Variants in KIF16B observed in about 807,000 individuals in gnomAD.
The protein encoded by KIF16B is kinesin-like protein KIF16B.
A neutral mutation model predicts 156.3 loss-of-function variants in KIF16B; 98 were observed. That is an observed-to-expected ratio of 0.63 (90% CI 0.53 to 0.74). The LOEUF is 0.74. Among genes scored for constraint, KIF16B ranks in the 30% least tolerant of loss-of-function variants. The pLI is 0.00. For synonymous variants in KIF16B, 564 were observed against 583.7 expected, an observed-to-expected ratio of 0.97 and a Z score of 0.49; for missense variants, 1,421 against 1,606.5, an observed-to-expected ratio of 0.88 and a Z score of 1.97.
intron 15 of KIF16B, among the ~76,000 whole-genome samples, chr20:16,411,962 G>GTGTGTGTA (rs2065969098): frequency 6.6e-6 from 1 of 150,878 alleles, no homozygotes; most frequent in South Asian, 2.1e-4. Context: ...GTGTGTGTGT[G>GTGTGTGTA]TGTGTGTGTG....
chr20:16,555,487 C>T (rs1263903874), intron 1 of KIF16B, among the ~76,000 whole-genome samples: 1 of 151,358 alleles, frequency 6.6e-6, no homozygotes, highest in Non-Finnish European at 1.5e-5. Flanking sequence ...CCCAAAGAAA[C>T]CTTACTGACT....
chr20:16,516,695 C>T (rs550334600), intron 3 of KIF16B, among the ~76,000 whole-genome samples: 6 of 152,294 alleles, frequency 3.9e-5, no homozygotes, highest in African/African-American at 1.4e-4. Flanking sequence ...GGGACCCAGA[C>T]GGATCAACCA....
rs190942932 is a variant in KIF16B at position 16,394,600 on chromosome 20, A to G, written c.1784+10213T>C. 3.3e-3 allele frequency among the ~76,000 whole-genome samples: 510 copies of G among 152,354 alleles called. 2 individuals carry two copies. The highest frequency in any genetic ancestry group is 6.0e-3 in the Non-Finnish European group (406 of 68,038). ...AACTTTTGAAAAATGGTAAGGCCCA[A>G]TAAAATAAACCAGTAGAGATAAACA... On this transcript the variant is annotated intron_variant, in intron 17 of 25. Transcript: ENST00000354981.
At chr20:16,358,173 A>C (rs1237720324) in intron 22 of KIF16B, among the ~76,000 whole-genome samples, 1 of 152,130 alleles carries the variant, frequency 6.6e-6, no homozygotes, top group Admixed American at 6.5e-5. Flanking sequence ...TGGGCGACAG[A>C]GCGAGACTCC....
chr20:16,404,718 C>T, intron 17 of KIF16B, 95 bp downstream of exon 17: 1 of 944,276 alleles, frequency 1.1e-6, no homozygotes, highest in Non-Finnish European at 1.7e-6. Context: ...GGCGCCGTTG[C>T]AGAAGTTTTA....
chr20:16,367,752 C>A, intron 22 of KIF16B: 2 of 1,612,486 alleles, frequency 1.2e-6, no homozygotes, highest in East Asian at 2.2e-5. Context: ...CCAGATCTTG[C>A]TGGAGCAAGG....
intron 15 of KIF16B, among the ~76,000 whole-genome samples, chr20:16,408,086 C>T (rs2065831784): frequency 6.6e-6 from 1 of 152,146 alleles, no homozygotes; most frequent in South Asian, 2.1e-4. Context: ...GATATCTATT[C>T]TGGAGCTCAG....
At chr20:16,432,252 A>C (rs1353714491) in intron 12 of KIF16B, among the ~76,000 whole-genome samples, 1 of 152,146 alleles carries the variant, frequency 6.6e-6, no homozygotes, top group East Asian at 1.9e-4. Context: ...AACCAGGTTC[A>C]GACTAAATCA....
chr20:16,527,160 G>A (rs1443316071), intron 2 of KIF16B, among the ~76,000 whole-genome samples: 2 of 152,190 alleles, frequency 1.3e-5, no homozygotes, highest in African/African-American at 2.4e-5. Flanking sequence ...GAGAATATGC[G>A]AGAGGCCAAA....
Position 16,573,421 on chromosome 20 carries a change from C to T in KIF16B, c.-146G>A. Reference sequence around the variant, plus strand: ...CCCGGCCGGACCTGGAGTTCCGCGGCAGCCCCACCTGCCAGGCCACTGAGC... The same window carrying T: ...CCCGGCCGGACCTGGAGTTCCGCGGTAGCCCCACCTGCCAGGCCACTGAGC... On this transcript the variant is annotated 5_prime_UTR_variant, in exon 1 of 26. Transcript: ENST00000354981. 2.3e-6 allele frequency: 2 copies of T among 859,760 alleles called. No homozygotes were observed. Among genetic ancestry groups the T allele is most frequent in the Non-Finnish European group, 3.6e-6 (2 of 556,002 alleles). 53.3% of individuals were successfully genotyped at this position (859,760 alleles called of 1,614,324 possible). A position where few individuals can be genotyped will look rare whatever the true frequency, so the allele number is the denominator to read the frequency against.
intron 25 of KIF16B, among the ~76,000 whole-genome samples, chr20:16,274,046 C>A (rs1383437663): frequency 2.6e-5 from 4 of 150,972 alleles, no homozygotes; most frequent in Admixed American, 2.0e-4. Flanking sequence ...CCTCCCCGCT[C>A]CCAGTTACTC....
intron 19 of KIF16B, among the ~76,000 whole-genome samples, chr20:16,377,916 C>T (rs1193721602): frequency 1.3e-5 from 2 of 152,146 alleles, no homozygotes; most frequent in Non-Finnish European, 2.9e-5. Flanking sequence ...GTGCTAATTT[C>T]CTAGTTTTAT....
intron 15 of KIF16B, among the ~76,000 whole-genome samples, chr20:16,417,957 C>T (rs112995700): frequency 8.5e-4 from 129 of 151,028 alleles, no homozygotes; most frequent in African/African-American, 2.3e-3. Context: ...GAGTATAGTG[C>T]GGGGGAAAAA....
chr20:16,527,719 G>A (rs1447289940), intron 2 of KIF16B, among the ~76,000 whole-genome samples: 3 of 152,024 alleles, frequency 2.0e-5, no homozygotes, highest in Admixed American at 6.6e-5. Context: ...TAGGACCACA[G>A]GTGTGCACCA....
chr20:16,516,170 G>A (rs574463406), intron 3 of KIF16B, among the ~76,000 whole-genome samples: 4 of 152,240 alleles, frequency 2.6e-5, no homozygotes, highest in Admixed American at 1.3e-4. Flanking sequence ...GCTGAGTGAC[G>A]GGTGGCTGTA....
chr20:16,382,088 G>T (rs2065109884), intron 17 of KIF16B: 1 of 1,346,660 alleles, frequency 7.4e-7, no homozygotes. Flanking sequence ...TAAAAATGGA[G>T]AATCTCTACC....
intron 8 of KIF16B, 60 bp from the exon 9 acceptor site, chr20:16,505,913 C>T (rs1167435362): frequency 1.2e-6 from 2 of 1,606,078 alleles, no homozygotes; most frequent in Non-Finnish European, 1.7e-6. Flanking sequence ...TTTTCCTCTA[C>T]TTTTGCTTCA....
chr20:16,467,918 A>G (rs1254378691), intron 12 of KIF16B, among the ~76,000 whole-genome samples: 2 of 152,218 alleles, frequency 1.3e-5, no homozygotes, highest in East Asian at 1.9e-4. Context: ...AAAATGCTCA[A>G]TTAAAACCAT....
chr20:16,347,159 T>G (rs1053802179), intron 23 of KIF16B, among the ~76,000 whole-genome samples: 3 of 152,186 alleles, frequency 2.0e-5, no homozygotes, highest in Non-Finnish European at 4.4e-5. Flanking sequence ...ACTCAACAGA[T>G]GGTGACTCCT....
Sources: gnomAD v4.1 joint callset for allele counts (sites outside exome capture counted in the v4.1 genomes callset) on GRCh38, gnomAD v4.1.1 for gene constraint, MANE v1.5 for transcripts, NCBI Gene and HGNC (gene_info 2026-07-23, HGNC 2026-07-21) for gene names.